Variants in AFG2A observed in about 807,000 individuals in gnomAD.
The protein encoded by AFG2A is ATPase family gene 2 protein homolog A.
At chr4:123,065,741 G>T in the AFG2A span, among the ~76,000 whole-genome samples, 1 of 152,136 alleles carries the variant, frequency 6.6e-6, no homozygotes, top group South Asian at 2.1e-4. Flanking sequence ...ACTTACTGAA[G>T]AAATATGCTG....
the AFG2A span, among the ~76,000 whole-genome samples, chr4:123,167,391 A>T: frequency 6.6e-6 from 1 of 151,812 alleles, no homozygotes; most frequent in Non-Finnish European, 1.5e-5. Flanking sequence ...TCTGTTGCCC[A>T]GGCTGGAGTG....
the AFG2A span, among the ~76,000 whole-genome samples, chr4:123,220,453 T>G: frequency 2.7e-5 from 4 of 149,760 alleles, no homozygotes; most frequent in Non-Finnish European, 5.9e-5. Flanking sequence ...CTACTAAAAA[T>G]AGAAAAAAAA....
At chr4:122,939,056 CATAGGGGATATG>C in the AFG2A span, among the ~76,000 whole-genome samples, 1 of 147,134 alleles carries the variant, frequency 6.8e-6, no homozygotes, top group Non-Finnish European at 1.5e-5. Context: ...CAGATTCTCT[CATAGGGGATATG>C]TTCTTTCTTT....
chr4:123,166,920 T>G, the AFG2A span, among the ~76,000 whole-genome samples: 1 of 152,092 alleles, frequency 6.6e-6, no homozygotes, highest in East Asian at 1.9e-4. Context: ...GAGTATATAC[T>G]ATATTAGTAA....
At chr4:123,014,215 C>T in the AFG2A span, among the ~76,000 whole-genome samples, 1 of 152,112 alleles carries the variant, frequency 6.6e-6, no homozygotes, top group Non-Finnish European at 1.5e-5. Flanking sequence ...AGTTACTAAG[C>T]AGTTTTCTTA....
chr4:123,212,337 A>G, the AFG2A span, among the ~76,000 whole-genome samples: 4 of 152,018 alleles, frequency 2.6e-5, no homozygotes, highest in Non-Finnish European at 5.9e-5. Flanking sequence ...TCACCCCTCT[A>G]CACAGATCAC....
chr4:123,029,437 T>C, the AFG2A span, among the ~76,000 whole-genome samples: 1 of 152,200 alleles, frequency 6.6e-6, no homozygotes, highest in South Asian at 2.1e-4. Flanking sequence ...AACTTCAGAG[T>C]AGTTTGTCAA....
chr4:123,297,069 A>G, the AFG2A span, among the ~76,000 whole-genome samples: 11 of 152,060 alleles, frequency 7.2e-5, no homozygotes, highest in Admixed American at 1.3e-4. Flanking sequence ...TCCAAACTGA[A>G]CCGCCCCAGA....
the AFG2A span, among the ~76,000 whole-genome samples, chr4:122,960,840 CTATG>C: frequency 6.6e-6 from 1 of 152,060 alleles, no homozygotes; most frequent in African/African-American, 2.4e-5. Flanking sequence ...GGAGCATCTG[CTATG>C]TATGTAATAG....
chr4:122,979,286 A>G, the AFG2A span: 2 of 1,614,240 alleles, frequency 1.2e-6, no homozygotes, highest in Non-Finnish European at 8.5e-7. Context: ...CCTGATGTCA[A>G]GGTGGCTGGA....
the AFG2A span, among the ~76,000 whole-genome samples, chr4:123,061,130 A>C: frequency 6.6e-6 from 1 of 152,096 alleles, no homozygotes; most frequent in African/African-American, 2.4e-5. Flanking sequence ...GGAAGTTCCA[A>C]ATTTTCCCAC....
chr4:123,066,014 G>T, the AFG2A span, among the ~76,000 whole-genome samples: 124 of 152,246 alleles, frequency 8.1e-4, 1 homozygote, highest in African/African-American at 2.7e-3. Context: ...GGTATCTTCT[G>T]TGTGGCACTA....
chr4:122,954,901 C>A, the AFG2A span, among the ~76,000 whole-genome samples: 1 of 152,196 alleles, frequency 6.6e-6, no homozygotes, highest in Non-Finnish European at 1.5e-5. Context: ...TGGGTCCCAT[C>A]CATCAAGGAT....
the AFG2A span, among the ~76,000 whole-genome samples, chr4:122,948,768 C>T: frequency 2.0e-5 from 3 of 152,192 alleles, no homozygotes; most frequent in Non-Finnish European, 4.4e-5. Context: ...ATCCTCCCCC[C>T]AGCAACTTCC....
chr4:123,001,697 A>G, the AFG2A span, among the ~76,000 whole-genome samples: 32 of 152,090 alleles, frequency 2.1e-4, no homozygotes, highest in African/African-American at 7.2e-4. Context: ...GTTCTTTTAC[A>G]TTTGCTGAGG....
the AFG2A span, among the ~76,000 whole-genome samples, chr4:123,233,668 C>T: frequency 2.6e-5 from 4 of 151,826 alleles, no homozygotes; most frequent in African/African-American, 7.3e-5. Context: ...TTATTTCTTT[C>T]TACATTTTTG....
the AFG2A span, among the ~76,000 whole-genome samples, chr4:122,999,492 G>A: frequency 1.3e-5 from 2 of 152,086 alleles, no homozygotes; most frequent in Non-Finnish European, 2.9e-5. Context: ...TGTATAAGGT[G>A]TAAGGAAGGG....
the AFG2A span, among the ~76,000 whole-genome samples, chr4:123,278,646 T>A: frequency 2.0e-5 from 3 of 152,306 alleles, no homozygotes; most frequent in East Asian, 5.8e-4. Context: ...GATTCAGGTA[T>A]GTTGTATCTT....
chr4:123,257,895 TTC>T, the AFG2A span, among the ~76,000 whole-genome samples: 1 of 152,204 alleles, frequency 6.6e-6, no homozygotes, highest in African/African-American at 2.4e-5. Flanking sequence ...CCCAGTGAGA[TTC>T]TATCTGGCTA....
Sources: gnomAD v4.1 joint callset for allele counts (sites outside exome capture counted in the v4.1 genomes callset) on GRCh38, gnomAD v4.1.1 for gene constraint, MANE v1.5 for transcripts, NCBI Gene and HGNC (gene_info 2026-07-23, HGNC 2026-07-21) for gene names.